BCR: variants seen among roughly 807,000 people sequenced by gnomAD.
BCR encodes breakpoint cluster region protein.
BCR carries 58 observed loss-of-function variants against 138.6 expected under a neutral mutation model. That is an observed-to-expected ratio of 0.42 (90% CI 0.34 to 0.52). The LOEUF (loss-of-function observed/expected upper bound fraction) is 0.52. Ranked by LOEUF, BCR falls within the 20% of genes least tolerant of loss-of-function variation. BCR has a pLI of 0.06. For synonymous variants in BCR, 786 were observed against 730.1 expected, an observed-to-expected ratio of 1.08 and a Z score of -1.23; for missense variants, 1,599 against 1,727.2, an observed-to-expected ratio of 0.93 and a Z score of 1.32.
chr22:23,253,313 A>G (rs1241994679), intron 1 of BCR, among the ~76,000 whole-genome samples: 1 of 152,068 alleles, frequency 6.6e-6, no homozygotes, highest in Non-Finnish European at 1.5e-5. Flanking sequence ...GATCAACTCA[A>G]CCTTCAACTG....
intron 1 of BCR, among the ~76,000 whole-genome samples, chr22:23,230,744 T>A (rs1040889861): frequency 6.6e-6 from 1 of 152,242 alleles, no homozygotes; most frequent in East Asian, 1.9e-4. Flanking sequence ...TTCAGGCCAC[T>A]GGTGCATAAA....
At position 23,225,675 on chromosome 22, in the gene BCR, G is replaced by A. The variant is rs556407187; in HGVS notation, c.1280-28124G>A. Among the ~76,000 whole-genome samples the A allele has an allele frequency of 2.6e-5, 4 of 152,320 alleles. No homozygotes were observed. The South Asian group carries it at 6.2e-4, about 24-fold the overall frequency. The stretch of plus-strand genomic sequence containing the variant: ...TTCGCAATGCACTTCAGCAGATAGG[G>A]TGATGGGGTAGAATCACAGAGCTGA... On this transcript the variant is annotated intron_variant, in intron 1 of 22. Transcript: ENST00000305877.
intron 2 of BCR, among the ~76,000 whole-genome samples, chr22:23,258,957 A>G (rs2073326598): frequency 6.6e-6 from 1 of 151,794 alleles, no homozygotes; most frequent in Non-Finnish European, 1.5e-5. Context: ...CCGCACCCAC[A>G]CACTTTCCTC....
At chr22:23,294,998 A>G in intron 15 of BCR, 26 bp from the exon 16 acceptor site, 1 of 1,612,584 alleles carries the variant, frequency 6.2e-7, no homozygotes, top group African/African-American at 1.3e-5. Context: ...TTCACACTGG[A>G]CTTCCCTTCT....
chr22:23,225,902 C>T (rs2072886356), intron 1 of BCR, among the ~76,000 whole-genome samples: 1 of 152,226 alleles, frequency 6.6e-6, no homozygotes, highest in Non-Finnish European at 1.5e-5. Context: ...TTGTTTTCTT[C>T]CCAGTGGCCT....
chr22:23,206,967 C>A (rs867912931), intron 1 of BCR, among the ~76,000 whole-genome samples: 1 of 147,332 alleles, frequency 6.8e-6, no homozygotes, highest in African/African-American at 2.6e-5. Context: ...CCCTCCCTCC[C>A]TCCCTCCATC....
In BCR at chr22:23,273,148, C is replaced by G. The variant is rs565111265; in HGVS notation, c.1974+15C>G. 1.9e-6 allele frequency: 3 copies of G among 1,612,090 alleles called. No homozygotes were observed. The highest frequency in any genetic ancestry group is 2.2e-5 in the East Asian group (1 of 44,830). The stretch of plus-strand genomic sequence containing the variant: ...TGGTCCTCCATGTAAGTCACAGCGC[C>G]CCTCTGGACCGGGACCAAAACTGCC... On this transcript the variant is annotated intron_variant, in intron 7 of 22. Transcript: ENST00000305877.
At chr22:23,263,575 G>A (rs1429725565) in intron 4 of BCR, 22 of 1,560,716 alleles carry the variant, frequency 1.4e-5, no homozygotes, top group Middle Eastern at 1.7e-4. Flanking sequence ...AGCTTGAACC[G>A]TCAGCCTCTG....
chr22:23,276,045 A>G (rs5996509), intron 8 of BCR, among the ~76,000 whole-genome samples: 13,635 of 152,132 alleles, frequency 0.09, 782 homozygotes, highest in African/African-American at 0.15. Context: ...CATGGGGGCC[A>G]ACTTCCACGC....
chr22:23,278,914 G>A (rs115899542), intron 8 of BCR, among the ~76,000 whole-genome samples: 1,817 of 152,272 alleles, frequency 0.012, 30 homozygotes, highest in African/African-American at 0.042. Context: ...TCGAGGGCTG[G>A]GCCTTTCTGG....
chr22:23,194,391 ATTTTTTTTTTC>A (rs1055352742), intron 1 of BCR, among the ~76,000 whole-genome samples: 2 of 139,942 alleles, frequency 1.4e-5, no homozygotes, highest in Non-Finnish European at 3.1e-5. Context: ...GTGGGTCTCC[ATTTTTTTTTTC>A]TTTTTTTTTT....
chr22:23,281,571 C>T (rs2073645569), intron 8 of BCR, among the ~76,000 whole-genome samples: 1 of 152,088 alleles, frequency 6.6e-6, no homozygotes, highest in East Asian at 1.9e-4. Flanking sequence ...GCTGGGAGGG[C>T]AGGCAGGGGC....
At chr22:23,231,857 G>A (rs1457230141) in intron 1 of BCR, among the ~76,000 whole-genome samples, 1 of 152,224 alleles carries the variant, frequency 6.6e-6, no homozygotes, top group Non-Finnish European at 1.5e-5. Context: ...GTGTTGGGGG[G>A]TGGCACGTCT....
At chr22:23,225,520 G>T (rs1416849798) in intron 1 of BCR, among the ~76,000 whole-genome samples, 5 of 152,218 alleles carry the variant, frequency 3.3e-5, no homozygotes, top group Admixed American at 6.5e-5. Context: ...GTCTCCTTCA[G>T]TCTGCATTGG....
chr22:23,209,834 T>TG (rs1434456373), intron 1 of BCR, among the ~76,000 whole-genome samples: 1 of 152,222 alleles, frequency 6.6e-6, no homozygotes, highest in African/African-American at 2.4e-5. Context: ...CTTGCTGTGT[T>TG]GCCCAGGCTG....
intron 2 of BCR, among the ~76,000 whole-genome samples, chr22:23,255,238 C>T (rs918875279): frequency 6.6e-6 from 1 of 152,058 alleles, no homozygotes; most frequent in Non-Finnish European, 1.5e-5. Flanking sequence ...CATTCTGAAC[C>T]GAGAGGATGG....
chr22:23,272,914 G>A (rs1019624563), intron 6 of BCR, among the ~76,000 whole-genome samples, 167 bp from the exon 7 acceptor site: 2 of 152,202 alleles, frequency 1.3e-5, no homozygotes, highest in African/African-American at 4.8e-5. Flanking sequence ...GACTTAAAGT[G>A]TTCCTGTTGG....
Position 23,314,014 on chromosome 22 carries a change from G to C in BCR, c.3504G>C (p.Leu1168=), listed in dbSNP as rs765297735. The change falls in exon 21 of 23, where the codon CTG becomes CTC. Residue 1168 remains leucine, a synonymous_variant. Coordinates refer to ENST00000305877, the MANE Select transcript of BCR (RefSeq NM_004327.4). ...AGGAGAGCTGCATGCTCAACCTGCT[G>C]CTGTCCCTGCCGGAGGCCAACCTGC... ...VAKESCMLNL[L]LSLPEANLLT... 2 of 1,613,894 alleles carry C rather than the reference G, an allele frequency of 1.2e-6. No individual in the cohort carries two copies. The highest frequency in any genetic ancestry group is 1.3e-5 in the African/African-American group (1 of 74,918).
At chr22:23,222,213 A>T (rs974499821) in intron 1 of BCR, among the ~76,000 whole-genome samples, 1 of 152,216 alleles carries the variant, frequency 6.6e-6, no homozygotes, top group African/African-American at 2.4e-5. Context: ...TTCTACATCC[A>T]CAGTGCCTAA....
Sources: allele counts gnomAD v4.1 joint callset (sites outside exome capture counted in the v4.1 genomes callset), GRCh38; gene constraint gnomAD v4.1.1; transcripts MANE v1.5; gene names NCBI Gene and HGNC (gene_info 2026-07-23, HGNC 2026-07-21).